JAML: variants seen among roughly 807,000 people sequenced by gnomAD.
JAML encodes the protein junction adhesion molecule like.
JAML carries 25 observed loss-of-function variants against 39.3 expected under a neutral mutation model. The observed-to-expected ratio is 0.64, with a 90% confidence interval of 0.46 to 0.89. The LOEUF is 0.89. JAML is among the 40% of genes least tolerant of loss of function. The pLI, the probability that JAML is intolerant of heterozygous loss-of-function variation, is 0.00. For synonymous variants in JAML, 162 were observed against 179.2 expected, an observed-to-expected ratio of 0.90 and a Z score of 0.77; for missense variants, 440 against 486.9, an observed-to-expected ratio of 0.90 and a Z score of 0.91.
At chr11:118,206,140 T>A in intron 4 of JAML, 149 bp from the exon 5 acceptor site, 1 of 662,148 alleles carries the variant, frequency 1.5e-6, no homozygotes, top group Non-Finnish European at 2.7e-6. Context: ...TCTGTACGAA[T>A]TCCCTCTGTG....
rs760836680 is a variant in JAML at position 118,200,470 on chromosome 11, G to C, written c.911+4C>G. On this transcript the variant is annotated splice_donor_region_variant and intron_variant, in intron 7 of 9. Transcript: ENST00000356289. Reference sequence around the variant, plus strand: ...CAATCCAAGGGGTGGGGGTAGCCCTGTACCTCTTATTTCCACAGGTCTTCT... The same window carrying C: ...CAATCCAAGGGGTGGGGGTAGCCCTCTACCTCTTATTTCCACAGGTCTTCT... The C allele has an allele frequency of 6.2e-6, 10 of 1,613,932 alleles. No homozygotes were observed. Among genetic ancestry groups the C allele is most frequent in the East Asian group, 2.2e-5 (1 of 44,884 alleles).
At chr11:118,221,016 C>A (rs1949204796) in intron 1 of JAML, among the ~76,000 whole-genome samples, 1 of 152,182 alleles carries the variant, frequency 6.6e-6, no homozygotes, top group East Asian at 1.9e-4. Context: ...TCAATTTCCC[C>A]TTGAGTTCAA....
chr11:118,203,403 T>G (rs1565476683), intron 6 of JAML, 25 bp downstream of exon 6: 3 of 1,604,592 alleles, frequency 1.9e-6, no homozygotes, highest in Non-Finnish European at 2.6e-6. Flanking sequence ...GGTCCCTCAA[T>G]GCTCCCCAGC....
chr11:118,212,972 A>C (rs1949092320), intron 2 of JAML: 1 of 1,613,562 alleles, frequency 6.2e-7, no homozygotes, highest in Admixed American at 1.7e-5. Flanking sequence ...TCCCTCTCTG[A>C]AAAGGGACCT....
chr11:118,220,849 C>G (rs923260700), intron 1 of JAML, among the ~76,000 whole-genome samples: 1 of 152,220 alleles, frequency 6.6e-6, no homozygotes, highest in South Asian at 2.1e-4. Flanking sequence ...ACAAGCTCAG[C>G]TGCTGAAAAT....
At chr11:118,215,667 A>AT (rs1460280668) in intron 1 of JAML, among the ~76,000 whole-genome samples, 1,525 of 145,478 alleles carry the variant, frequency 0.01, 8 homozygotes, top group East Asian at 0.036. Context: ...TTTTTATCTT[A>AT]TTTTTCTTTT....
At position 118,203,416 on chromosome 11, in the gene JAML, A is replaced by G; in HGVS notation, c.772+12T>C. On this transcript the variant is annotated intron_variant, in intron 6 of 9. Transcript: ENST00000356289. ...GAGGTCCCTCAATGCTCCCCAGCCAAATGTTAGATACTTCGAGGCTCTTCC... is the reference window on the plus strand; with the variant it reads ...GAGGTCCCTCAATGCTCCCCAGCCAGATGTTAGATACTTCGAGGCTCTTCC... 2 of 1,611,644 alleles carry G rather than the reference A, an allele frequency of 1.2e-6. No homozygotes were observed. Among genetic ancestry groups the G allele is most frequent in the Non-Finnish European group, 1.7e-6 (2 of 1,177,974 alleles).
intron 8 of JAML, chr11:118,197,067 T>C (rs563336488): frequency 1.8e-4 from 75 of 414,530 alleles, no homozygotes; most frequent in African/African-American, 1.5e-3. Context: ...TTTGTTTAGA[T>C]GGATGTTTAG....
intron 9 of JAML, 103 bp from the exon 10 acceptor site, chr11:118,194,520 T>C: frequency 1.1e-6 from 1 of 892,482 alleles, no homozygotes; most frequent in South Asian, 1.4e-5. Flanking sequence ...CCCGGCCCAG[T>C]ACTGAATTTC....
chr11:118,219,611 G>A (rs1832821078), intron 1 of JAML, among the ~76,000 whole-genome samples: 2 of 152,178 alleles, frequency 1.3e-5, no homozygotes, highest in Non-Finnish European at 2.9e-5. Context: ...TTACAACCTT[G>A]CAACATGTTT....
chr11:118,203,210 T>C, intron 6 of JAML: 2 of 695,094 alleles, frequency 2.9e-6, no homozygotes, highest in Non-Finnish European at 5.3e-6. Flanking sequence ...CCCCTTGGCC[T>C]AGCAGCAGGG....
At chr11:118,213,227 C>T (rs377038511) in intron 2 of JAML, 11 of 1,277,574 alleles carry the variant, frequency 8.6e-6, no homozygotes, top group East Asian at 6.6e-5. Flanking sequence ...CAATTTCGAG[C>T]GGTCACTACA....
chr11:118,210,419 A>G (rs545273582), intron 4 of JAML, 68 bp downstream of exon 4: 98 of 1,486,234 alleles, frequency 6.6e-5, no homozygotes, highest in Non-Finnish European at 4.6e-5. Context: ...CAAGATAATC[A>G]GTTTCCTTGC....
intron 2 of JAML, chr11:118,213,009 T>G (rs532589398): frequency 7.1e-5 from 114 of 1,611,748 alleles, no homozygotes; most frequent in Non-Finnish European, 9.0e-5. Flanking sequence ...TTTCCCTTTC[T>G]TTTAGTTCCT....
intron 8 of JAML, chr11:118,197,139 T>C (rs1948674687): frequency 3.5e-6 from 1 of 286,078 alleles, no homozygotes; most frequent in Non-Finnish European, 6.8e-6. Flanking sequence ...TTCCTTCTAA[T>C]TACAGTAAAG....
At chr11:118,207,208 T>C (rs1355412354) in intron 4 of JAML, among the ~76,000 whole-genome samples, 1 of 152,256 alleles carries the variant, frequency 6.6e-6, no homozygotes, top group Non-Finnish European at 1.5e-5. Context: ...TTAAACTCTA[T>C]TTTTAAAATG....
chr11:118,199,946 T>G (rs1948742993), intron 7 of JAML, among the ~76,000 whole-genome samples: 1 of 152,136 alleles, frequency 6.6e-6, no homozygotes, highest in South Asian at 2.1e-4. Flanking sequence ...TCCGCCCGCC[T>G]TGGCCTCTCA....
At chr11:118,202,391 A>T (rs186006776) in intron 6 of JAML, 1 of 154,140 alleles carries the variant, frequency 6.5e-6, no homozygotes, top group Non-Finnish European at 1.4e-5. Flanking sequence ...AGAATTGAGC[A>T]AACGTATCCA....
rs1030264449 is a variant in JAML, at chr11:118,202,539, G to A, written c.772+889C>T. On this transcript the variant is annotated intron_variant, in intron 6 of 9. Transcript: ENST00000356289. ...TCCTCTGCCTCAGGATGGCAGGGCAGAGATAAGAATGGGGGAGACATAGAT... is the reference window on the plus strand; with the variant it reads ...TCCTCTGCCTCAGGATGGCAGGGCAAAGATAAGAATGGGGGAGACATAGAT... 2.0e-4 allele frequency: 36 copies of A among 181,356 alleles called. 1 individual carries two copies. Among genetic ancestry groups the A allele is most frequent in the African/African-American group, 7.8e-4 (33 of 42,270 alleles). 11.2% of individuals were successfully genotyped at this position (181,356 alleles called of 1,614,324 possible).
Sources: allele counts gnomAD v4.1 joint callset (sites outside exome capture counted in the v4.1 genomes callset), GRCh38; gene constraint gnomAD v4.1.1; transcripts MANE v1.5; gene names NCBI Gene and HGNC (gene_info 2026-07-23, HGNC 2026-07-21).